ARHGEF4: variants seen among roughly 807,000 people sequenced by gnomAD.
The protein encoded by ARHGEF4 is Rho guanine nucleotide exchange factor 4, also known as APC-stimulated guanine nucleotide exchange factor 1.
ARHGEF4 carries 119 observed loss-of-function variants against 162.0 expected under a neutral mutation model. That is an observed-to-expected ratio of 0.73 (90% CI 0.63 to 0.86). The LOEUF (loss-of-function observed/expected upper bound fraction) is 0.86. ARHGEF4 is among the 40% of genes least tolerant of loss of function. The pLI is 0.00. For synonymous variants in ARHGEF4, 1,014 were observed against 979.9 expected, an observed-to-expected ratio of 1.03 and a Z score of -0.65; for missense variants, 2,488 against 2,456.0, an observed-to-expected ratio of 1.01 and a Z score of -0.28.
At chr2:131,044,046 C>A (rs1346659749) in intron 11 of ARHGEF4, among the ~76,000 whole-genome samples, 2 of 152,112 alleles carry the variant, frequency 1.3e-5, no homozygotes, top group Non-Finnish European at 1.5e-5. Context: ...GTCTTAGTCT[C>A]CCCACCTCAA....
At chr2:131,017,913 G>A (rs1304174967) in intron 4 of ARHGEF4, among the ~76,000 whole-genome samples, 8 of 152,110 alleles carry the variant, frequency 5.3e-5, no homozygotes, top group Non-Finnish European at 1.0e-4. Context: ...ATCTCAGCAG[G>A]ATTTTTTTCT....
chr2:130,864,352 TAGAA>T (rs1293779001), intron 1 of ARHGEF4, among the ~76,000 whole-genome samples: 1 of 152,144 alleles, frequency 6.6e-6, no homozygotes, highest in Non-Finnish European at 1.5e-5. Flanking sequence ...TCTATAGAGA[TAGAA>T]AGTCAATTAG....
chr2:130,987,326 G>A (rs1021801976), intron 4 of ARHGEF4, among the ~76,000 whole-genome samples: 4 of 152,294 alleles, frequency 2.6e-5, no homozygotes, highest in East Asian at 1.9e-4. Flanking sequence ...GTTCCCGCCC[G>A]GTGGGTTTGT....
intron 1 of ARHGEF4, among the ~76,000 whole-genome samples, chr2:130,910,179 A>G (rs1330116875): frequency 6.6e-6 from 1 of 152,184 alleles, no homozygotes; most frequent in Non-Finnish European, 1.5e-5. Flanking sequence ...CATTCTGCAC[A>G]TGTACCCCAG....
intron 4 of ARHGEF4, among the ~76,000 whole-genome samples, chr2:131,027,495 C>G (rs1416460040): frequency 6.6e-6 from 1 of 152,124 alleles, no homozygotes; most frequent in Non-Finnish European, 1.5e-5. Context: ...GGTATCAGGA[C>G]TGTTCATTGT....
At chr2:130,960,560 T>C (rs543128501) in intron 4 of ARHGEF4, among the ~76,000 whole-genome samples, 9 of 152,278 alleles carry the variant, frequency 5.9e-5, no homozygotes, top group African/African-American at 1.9e-4. Flanking sequence ...GACATATCCT[T>C]GTTCAGCAAC....
At position 131,036,120 on chromosome 2, in the gene ARHGEF4, G is replaced by A. The variant is rs200941884; in HGVS notation, c.4126-2733G>A. On this transcript the variant is annotated intron_variant, in intron 5 of 13. Transcript: ENST00000409359. ...CTTGCCCCTTGGGCCTGCCTGGCTT[G>A]TGTCTTGGCTCAGGTGCAGCTGTGC... Among the ~76,000 whole-genome samples, 3 of 152,248 alleles carry A rather than the reference G, an allele frequency of 2.0e-5. No homozygotes were observed. The East Asian group carries it at 5.8e-4, about 29-fold the overall frequency.
intron 1 of ARHGEF4, among the ~76,000 whole-genome samples, chr2:130,889,811 CAAAAA>C (rs35297177): frequency 1.5e-5 from 1 of 67,670 alleles, no homozygotes; most frequent in Non-Finnish European, 3.0e-5. Context: ...GACTCCGTCT[CAAAAA>C]AAAAAAAAAA....
rs762967924 is a variant in ARHGEF4, at chr2:131,044,308, C to T, written c.5167C>T (p.Arg1723Cys). The change falls in exon 12 of 14, where the codon CGC becomes TGC. Residue 1723 changes from arginine (R) to cysteine (C), a missense_variant. Arg to Cys is a radical substitution (Grantham distance 180). Around this residue, in one of 6 missense-constraint regions of ARHGEF4, gnomAD observed 415 missense variants for 512.4 expected, o/e 0.81. Transcript: ENST00000409359. Reference sequence around the variant, plus strand: ...GGCCAGCATCTGGCAGGACCTGCTCCGCCGCGACGTGTTGTACTACAAGGG... The same window carrying T: ...GGCCAGCATCTGGCAGGACCTGCTCTGCCGCGACGTGTTGTACTACAAGGG... ...QLIYCKKDLL[R>C]RDVLYYKGRL... 23 of 1,610,340 alleles carry T rather than the reference C, an allele frequency of 1.4e-5. No individual in the cohort carries two copies. The highest frequency in any genetic ancestry group is 1.9e-5 in the Non-Finnish European group (22 of 1,178,998).
Position 130,942,152 on chromosome 2 carries a change from C to CTT in ARHGEF4, c.3859-4343_3859-4342dup, listed in dbSNP as rs36087462. 1.9e-3 allele frequency among the ~76,000 whole-genome samples: 241 copies of CTT among 129,846 alleles called. 3 individuals carry two copies. The highest frequency in any genetic ancestry group is 5.7e-3 in the African/African-American group (197 of 34,686). 85.2% of individuals were successfully genotyped at this position (129,846 alleles called of 152,430 possible). A position where few individuals can be genotyped will look rare whatever the true frequency, so the allele number is the denominator to read the frequency against. On this transcript the variant is annotated intron_variant, in intron 3 of 13. Transcript: ENST00000409359. ...TTTGGTAGTTTTTTTTTTCTTTTTTCTTTTTTTTTTTTTTTGAGACGGAGT... is the reference window on the plus strand; with the variant it reads ...TTTGGTAGTTTTTTTTTTCTTTTTTCTTTTTTTTTTTTTTTTTGAGACGGAGT...
chr2:130,930,031 C>T (rs927085399), intron 2 of ARHGEF4: 4 of 47,294 alleles, frequency 8.5e-5, no homozygotes, highest in African/African-American at 1.5e-4. Flanking sequence ...GTAGCTGGGA[C>T]TACAGGGCCC....
At chr2:131,021,126 T>C (rs967890360) in intron 4 of ARHGEF4, among the ~76,000 whole-genome samples, 1 of 151,966 alleles carries the variant, frequency 6.6e-6, no homozygotes, top group African/African-American at 2.4e-5. Flanking sequence ...TGTTCTCCCA[T>C]TCTGTAGGTT....
At chr2:130,873,421 T>C (rs534538102) in intron 1 of ARHGEF4, among the ~76,000 whole-genome samples, 1 of 152,040 alleles carries the variant, frequency 6.6e-6, no homozygotes, top group South Asian at 2.1e-4. Context: ...AAACCTCTTC[T>C]CTACTAAAAA....
intron 4 of ARHGEF4, among the ~76,000 whole-genome samples, chr2:130,960,697 T>C (rs1684574236): frequency 2.0e-5 from 3 of 152,126 alleles, no homozygotes; most frequent in Admixed American, 2.0e-4. Flanking sequence ...CCTGTAAGCT[T>C]TATGGGGACG....
chr2:130,853,897 G>T (rs1388241390), intron 1 of ARHGEF4, among the ~76,000 whole-genome samples: 1 of 152,174 alleles, frequency 6.6e-6, no homozygotes, highest in African/African-American at 2.4e-5. Flanking sequence ...TTGAAGGATG[G>T]ACAGTCATAC....
At chr2:131,015,036 G>A (rs749277510) in intron 4 of ARHGEF4, among the ~76,000 whole-genome samples, 5 of 152,104 alleles carry the variant, frequency 3.3e-5, no homozygotes, top group Non-Finnish European at 5.9e-5. Flanking sequence ...TCTGTGCGGC[G>A]CACCTAATGA....
chr2:130,998,649 T>C (rs1687558984), intron 4 of ARHGEF4, among the ~76,000 whole-genome samples: 1 of 152,224 alleles, frequency 6.6e-6, no homozygotes, highest in Non-Finnish European at 1.5e-5. Context: ...GCTCCATAGC[T>C]CCTTTTTCTC....
intron 2 of ARHGEF4, 148 bp from the exon 3 acceptor site, chr2:130,930,804 A>G (rs1682582470): frequency 3.2e-6 from 2 of 632,458 alleles, no homozygotes; most frequent in Non-Finnish European, 5.0e-6. Flanking sequence ...ATGACTGTGA[A>G]CAAAGTATTT....
chr2:131,007,716 T>A (rs1366026559), intron 4 of ARHGEF4, among the ~76,000 whole-genome samples: 1 of 151,890 alleles, frequency 6.6e-6, no homozygotes, highest in Non-Finnish European at 1.5e-5. Flanking sequence ...TATATACTGG[T>A]TTGTAAGCTA....
Sources: allele counts gnomAD v4.1 joint callset (sites outside exome capture counted in the v4.1 genomes callset), GRCh38; gene constraint gnomAD v4.1.1; regional missense constraint gnomAD v4.1.1; transcripts MANE v1.5; gene names NCBI Gene and HGNC (gene_info 2026-07-23, HGNC 2026-07-21).